Variants in ADAM28 observed in about 807,000 individuals in gnomAD.
ADAM28 encodes the protein disintegrin and metalloproteinase domain-containing protein 28.
ADAM28 carries 105 observed loss-of-function variants against 101.2 expected under a neutral mutation model. The ratio of observed to expected loss-of-function variants is 1.04; its 90% confidence interval spans 0.89 to 1.22. The LOEUF is 1.22. Ranked by LOEUF, ADAM28 falls within the 50% of genes most tolerant of loss-of-function variation. ADAM28 has a pLI of 0.00. For missense variants in ADAM28, 1,028 were observed against 945.4 expected (o/e 1.09, Z -1.15); for synonymous variants, 322 against 310.6 (o/e 1.04, Z -0.39).
chr8:24,300,924 T>G (rs1396169449), intron 2 of ADAM28: 1 of 152,178 alleles, frequency 6.6e-6, no homozygotes, highest in African/African-American at 2.4e-5. Context: ...GTTTGTACGT[T>G]TCTTACTGCA....
At chr8:24,344,855 C>G (rs1408648067) in intron 18 of ADAM28, among the ~76,000 whole-genome samples, 1 of 152,054 alleles carries the variant, frequency 6.6e-6, no homozygotes, top group East Asian at 1.9e-4. Flanking sequence ...AATGCATCCA[C>G]ATAAAACTTT....
chr8:24,323,768 T>A (rs1812185160), intron 8 of ADAM28, 66 bp from the exon 9 acceptor site: 2 of 1,447,964 alleles, frequency 1.4e-6, no homozygotes, highest in Admixed American at 4.3e-5. Flanking sequence ...ACAAAATATA[T>A]TGAAAATGTT....
chr8:24,349,859 T>C lies in ADAM28; in HGVS notation c.1991-5T>C, dbSNP rs752990020. On this transcript the variant is annotated splice_polypyrimidine_tract_variant and splice_region_variant and intron_variant, in intron 18 of 22. Transcript: ENST00000265769. Reference sequence around the variant, plus strand: ...TCCTCAGCGGGCCCCTGTTCTCTGCTGCAGACTTCTCCATTGTGGTTGGGG... The same window carrying C: ...TCCTCAGCGGGCCCCTGTTCTCTGCCGCAGACTTCTCCATTGTGGTTGGGG... The C allele has an allele frequency of 6.2e-7, 1 of 1,613,432 alleles. No homozygotes were observed. The highest frequency in any genetic ancestry group is 8.5e-7 in the Non-Finnish European group (1 of 1,179,526).
intron 6 of ADAM28, among the ~76,000 whole-genome samples, chr8:24,318,945 A>G (rs1811517634): frequency 1.3e-5 from 2 of 151,948 alleles, no homozygotes; most frequent in East Asian, 1.9e-4. Context: ...TTTTCTGCTC[A>G]AAGCCCTCCG....
At position 24,341,663 on chromosome 8, in the gene ADAM28, T is replaced by C. The variant is rs372605214; in HGVS notation, c.1736T>C (p.Ile579Thr). 16 of 1,613,836 alleles carry C rather than the reference T, an allele frequency of 9.9e-6. No individual in the cohort carries two copies. The African/African-American group carries it at 1.6e-4, about 16-fold the overall frequency. ...GATAATTTGCCCTGGAAAGGACGGATAGTGACTTTCCTGACATGTAAAACA... is the reference window on the plus strand; with the variant it reads ...GATAATTTGCCCTGGAAAGGACGGACAGTGACTTTCCTGACATGTAAAACA... ...GSDNLPWKGRIVTFLTCKTFD... is the reference protein window; with the variant it reads ...GSDNLPWKGRTVTFLTCKTFD... The change falls in exon 16 of 23, where the codon ATA (isoleucine) becomes ACA (threonine). Residue 579 changes from isoleucine (I) to threonine (T), a missense_variant. Coordinates refer to ENST00000265769, the MANE Select transcript of ADAM28 (RefSeq NM_014265.6).
intron 6 of ADAM28, among the ~76,000 whole-genome samples, chr8:24,314,033 AG>A (rs1235916244): frequency 1.3e-5 from 2 of 152,200 alleles, no homozygotes; most frequent in African/African-American, 4.8e-5. Context: ...CTGAGATTAC[AG>A]GCATGAGCCA....
intron 2 of ADAM28, among the ~76,000 whole-genome samples, chr8:24,309,069 T>A (rs1810081971): frequency 6.6e-6 from 1 of 152,234 alleles, no homozygotes; most frequent in Admixed American, 6.5e-5. Context: ...AACCCTGTTT[T>A]ATAGACCAAA....
intron 2 of ADAM28, among the ~76,000 whole-genome samples, chr8:24,306,998 T>G (rs114697900): frequency 6.6e-6 from 1 of 152,344 alleles, no homozygotes; most frequent in African/African-American, 2.4e-5. Context: ...ATACATGATT[T>G]CCATTGGCAT....
chr8:24,314,428 A>C (rs914729072), intron 6 of ADAM28, among the ~76,000 whole-genome samples: 4 of 152,144 alleles, frequency 2.6e-5, no homozygotes, highest in Non-Finnish European at 5.9e-5. Flanking sequence ...TTTGTGTTTT[A>C]GACTGTATAT....
chr8:24,332,631 C>T lies in ADAM28; in HGVS notation c.1282-29C>T, dbSNP rs944439830. ...GAACTGGGACCAAAAAGTAATGTTG[C>T]ATTTACATTTGTTTCTCATATTTCT... On this transcript the variant is annotated intron_variant, in intron 12 of 22. Transcript: ENST00000265769. The T allele has an allele frequency of 1.5e-5, 20 of 1,312,878 alleles. No individual in the cohort carries two copies. In the Admixed American group the frequency reaches 3.9e-4, roughly 26 times the overall value. 81.3% of individuals were successfully genotyped at this position (1,312,878 alleles called of 1,614,324 possible). A position where few individuals can be genotyped will look rare whatever the true frequency, so the allele number is the denominator to read the frequency against.
chr8:24,294,767 G>A (rs760125440), intron 1 of ADAM28, among the ~76,000 whole-genome samples: 1 of 152,048 alleles, frequency 6.6e-6, no homozygotes, highest in Non-Finnish European at 1.5e-5. Context: ...AGCTTAAATT[G>A]ATAATTTACT....
At position 24,341,638 on chromosome 8, in the gene ADAM28, G is replaced by A. The variant is rs767072648; in HGVS notation, c.1711G>A (p.Asp571Asn). 5.5e-5 allele frequency: 88 copies of A among 1,613,654 alleles called. No homozygotes were observed. Among genetic ancestry groups the A allele is most frequent in the Admixed American group, 8.3e-5 (5 of 59,976 alleles). The stretch of plus-strand genomic sequence containing the variant: ...GAAGTTGTTCTGTCAAGGTGGGTCG[G>A]ATAATTTGCCCTGGAAAGGACGGAT... Reference protein sequence around the residue: ...CGKLFCQGGSDNLPWKGRIVT... With the variant: ...CGKLFCQGGSNNLPWKGRIVT... Residue 571 changes from aspartate to asparagine, a missense_variant, in exon 16 of 23, where the codon GAT becomes AAT. Transcript: ENST00000265769.
intron 2 of ADAM28, among the ~76,000 whole-genome samples, chr8:24,303,273 T>G (rs985919950): frequency 6.6e-6 from 1 of 152,124 alleles, no homozygotes; most frequent in Non-Finnish European, 1.5e-5. Context: ...TTATAGTTTT[T>G]GGGTTTACAT....
At chr8:24,299,580 A>C (rs1808430775) in intron 1 of ADAM28, among the ~76,000 whole-genome samples, 1 of 152,134 alleles carries the variant, frequency 6.6e-6, no homozygotes, top group Non-Finnish European at 1.5e-5. Context: ...GCTTCAACCC[A>C]ATTTTTCTGG....
In ADAM28 at chr8:24,354,674, T is replaced by A. The variant is rs1816557348; in HGVS notation, c.*270T>A. 3.1e-6 allele frequency: 1 copy of A among 317,818 alleles called. No individual in the cohort carries two copies. The highest frequency in any genetic ancestry group is 5.2e-5 in the Admixed American group (1 of 19,316). The allele number at this position is 317,818 out of a possible 1,614,324, so 19.7% of individuals were successfully genotyped here. On this transcript the variant is annotated 3_prime_UTR_variant, in exon 23 of 23. Transcript: ENST00000265769. ...TAAAGAAATATCTCCGAAGTTAAAA[T>A]CTGTAATAGGAATTGATTCATTCTC...
chr8:24,335,873 A>T, intron 14 of ADAM28: 1 of 1,229,844 alleles, frequency 8.1e-7, no homozygotes, highest in Non-Finnish European at 1.0e-6. Context: ...TTTTTTGTTA[A>T]TTTTTTGTTT....
chr8:24,300,031 G>A lies in ADAM28; in HGVS notation c.104G>A (p.Arg35Lys), dbSNP rs1394837652. Residue 35 changes from arginine (R) to lysine (K), a missense_variant, in exon 2 of 23, where the codon AGA becomes AAA. Coordinates refer to ENST00000265769, the MANE Select transcript of ADAM28 (RefSeq NM_014265.6). ...AAGTATGAAGTGGTTTATCCTATAA[G>A]ACTTCATCCACTGCATAAAAGAGAG... ...VKKYEVVYPI[R>K]LHPLHKREAK... The A allele has an allele frequency of 1.9e-6, 3 of 1,613,702 alleles. No individual in the cohort carries two copies. The highest frequency in any genetic ancestry group is 2.5e-6 in the Non-Finnish European group (3 of 1,179,972).
chr8:24,343,236 T>C (rs1368798052), intron 17 of ADAM28, 55 bp downstream of exon 17: 2 of 1,574,802 alleles, frequency 1.3e-6, no homozygotes, highest in Non-Finnish European at 1.7e-6. Context: ...ACATTCTAGG[T>C]CAGTCATAAG....
chr8:24,340,442 G>A (rs77113093), intron 15 of ADAM28, among the ~76,000 whole-genome samples: 9,454 of 152,212 alleles, frequency 0.062, 466 homozygotes, highest in African/African-American at 0.13. Context: ...AGGAAATTAT[G>A]TAAAAGGCAG....
Sources: gnomAD v4.1 joint callset for allele counts (sites outside exome capture counted in the v4.1 genomes callset) on GRCh38, gnomAD v4.1.1 for gene constraint, MANE v1.5 for transcripts, NCBI Gene and HGNC (gene_info 2026-07-23, HGNC 2026-07-21) for gene names.